The following FAM193A variants were observed in gnomAD, a reference collection of about 807,000 sequenced individuals.
FAM193A encodes protein FAM193A.
A neutral mutation model predicts 126.5 loss-of-function variants in FAM193A; 22 were observed. The ratio of observed to expected loss-of-function variants is 0.17; its 90% CI spans 0.12 to 0.25. FAM193A has a LOEUF of 0.25. Among genes scored for constraint, FAM193A ranks in the 10% least tolerant of loss-of-function variants. FAM193A has a pLI of 1.00. For synonymous variants in FAM193A, 761 were observed against 646.8 expected (o/e 1.18, Z -2.68); for missense variants, 1,675 against 1,672.8 (o/e 1.00, Z -0.02).
chr4:2,543,883 A>AAC (rs1737388208), intron 1 of FAM193A, among the ~76,000 whole-genome samples: 1 of 151,118 alleles, frequency 6.6e-6, no homozygotes, highest in Non-Finnish European at 1.5e-5. Context: ...AAAAAAAAAA[A>AAC]AAAAAAAAAA....
At chr4:2,621,292 G>A (rs577839623) in intron 2 of FAM193A, among the ~76,000 whole-genome samples, 8 of 152,286 alleles carry the variant, frequency 5.3e-5, no homozygotes, top group Admixed American at 3.3e-4. Context: ...TAAGTGTGGC[G>A]AAGAAGGGTG....
chr4:2,547,788 G>A (rs577877389), intron 1 of FAM193A, among the ~76,000 whole-genome samples: 1 of 151,500 alleles, frequency 6.6e-6, no homozygotes, highest in African/African-American at 2.4e-5. Flanking sequence ...ACCACACCTG[G>A]CTAATTTTGT....
chr4:2,654,849 G>C (rs534412770), intron 7 of FAM193A: 1 of 398,806 alleles, frequency 2.5e-6, no homozygotes, highest in South Asian at 7.8e-5. Flanking sequence ...CTTGAGTGGG[G>C]AATGTGTGTT....
chr4:2,592,159 T>C (rs763488037), intron 1 of FAM193A, among the ~76,000 whole-genome samples: 2 of 152,266 alleles, frequency 1.3e-5, no homozygotes, highest in Admixed American at 6.5e-5. Flanking sequence ...TGGCGCGATA[T>C]CCGCTTGCCG....
intron 1 of FAM193A, among the ~76,000 whole-genome samples, chr4:2,585,073 G>T (rs1465779118): frequency 6.6e-6 from 1 of 152,080 alleles, no homozygotes; most frequent in African/African-American, 2.4e-5. Flanking sequence ...TATTTGTTTT[G>T]AACTTAGCTA....
intron 1 of FAM193A, among the ~76,000 whole-genome samples, chr4:2,541,864 T>C (rs1560429062): frequency 6.6e-6 from 1 of 151,830 alleles, no homozygotes; most frequent in African/African-American, 2.4e-5. Flanking sequence ...AGAGTCTTGC[T>C]CTGTCGCCCA....
intron 7 of FAM193A, chr4:2,654,497 CTGTTGTT>C (rs1560526838): frequency 6.9e-6 from 1 of 145,210 alleles, no homozygotes; most frequent in African/African-American, 2.6e-5. Context: ...CATTCTTTCT[CTGTTGTT>C]TGACACATAC....
At chr4:2,627,057 C>A (rs1482587210) in intron 4 of FAM193A, among the ~76,000 whole-genome samples, 2 of 152,004 alleles carry the variant, frequency 1.3e-5, no homozygotes, top group East Asian at 3.9e-4. Flanking sequence ...GTGGCTGTTT[C>A]TCATGATGCC....
At chr4:2,553,061 T>C (rs991464232) in intron 1 of FAM193A, among the ~76,000 whole-genome samples, 3 of 152,026 alleles carry the variant, frequency 2.0e-5, no homozygotes, top group Non-Finnish European at 2.9e-5. Context: ...TTGGTCAGGC[T>C]GTTGTCAAAC....
intron 19 of FAM193A, among the ~76,000 whole-genome samples, chr4:2,704,279 A>T (rs975193278): frequency 6.6e-6 from 1 of 150,412 alleles, no homozygotes; most frequent in African/African-American, 2.4e-5. Context: ...AAAAAAAAAA[A>T]TTAAGGCTGG....
chr4:2,593,812 G>A (rs1047103511), intron 1 of FAM193A, among the ~76,000 whole-genome samples: 6 of 151,818 alleles, frequency 4.0e-5, no homozygotes, highest in Non-Finnish European at 4.4e-5. Context: ...GATGGGAGCT[G>A]TTTTCTAAGA....
chr4:2,676,412 T>C (rs1003579820), intron 13 of FAM193A, among the ~76,000 whole-genome samples: 1 of 152,232 alleles, frequency 6.6e-6, no homozygotes, highest in Non-Finnish European at 1.5e-5. Context: ...ATTTCCTTAG[T>C]GTTTAGTGAT....
chr4:2,662,075 C>T (rs974893523), intron 10 of FAM193A, among the ~76,000 whole-genome samples: 2 of 151,794 alleles, frequency 1.3e-5, no homozygotes, highest in Non-Finnish European at 2.9e-5. Flanking sequence ...CCCAGCTACT[C>T]GGGAGGCTGA....
At chr4:2,667,325 T>C (rs1039918570) in intron 12 of FAM193A, among the ~76,000 whole-genome samples, 1 of 152,194 alleles carries the variant, frequency 6.6e-6, no homozygotes, top group Admixed American at 6.5e-5. Context: ...GCTATCAACA[T>C]ATGAATTTTG....
chr4:2,702,035 G>T (rs1289420503), intron 19 of FAM193A, among the ~76,000 whole-genome samples: 1 of 152,174 alleles, frequency 6.6e-6, no homozygotes, highest in Non-Finnish European at 1.5e-5. Flanking sequence ...GCCTCCCAAA[G>T]TGCTGGGATT....
Position 2,590,472 on chromosome 4 carries a change from A to G in FAM193A, c.256-5612A>G, listed in dbSNP as rs1378210698. 7.0e-5 allele frequency among the ~76,000 whole-genome samples: 6 copies of G among 85,506 alleles called. No individual in the cohort carries two copies. The South Asian group carries it at 1.7e-3, about 24-fold the overall frequency. The allele number at this position is 85,506 out of a possible 152,430, so 56.1% of individuals were successfully genotyped here. A position where few individuals can be genotyped will look rare whatever the true frequency, so the allele number is the denominator to read the frequency against. The stretch of plus-strand genomic sequence containing the variant: ...GAGCGAGACTCCATCTCAAAAAAAA[A>G]AAACAAAAAAAAACAAAAAAAAACA... On this transcript the variant is annotated intron_variant, in intron 1 of 20. Coordinates refer to ENST00000637812, the MANE Select transcript of FAM193A (RefSeq NM_001366318.2).
In FAM193A at chr4:2,627,138, C is replaced by T. The variant is rs1039694137; in HGVS notation, c.803+561C>T. ...ATTTGAGGTGGCCATAATTTTTATTCTTCCTTATAGTTTGATGTAACTTTT... is the reference window on the plus strand; with the variant it reads ...ATTTGAGGTGGCCATAATTTTTATTTTTCCTTATAGTTTGATGTAACTTTT... On this transcript the variant is annotated intron_variant, in intron 4 of 20. Transcript: ENST00000637812. 2.0e-5 allele frequency among the ~76,000 whole-genome samples: 3 copies of T among 148,016 alleles called. No homozygotes were observed. In the East Asian group the frequency reaches 5.9e-4, roughly 29 times the overall value.
chr4:2,654,871 T>C, intron 7 of FAM193A: 2 of 443,880 alleles, frequency 4.5e-6, no homozygotes, highest in Non-Finnish European at 8.1e-6. Context: ...AAAGCATTCA[T>C]GCTGGAAACT....
At chr4:2,585,484 T>C (rs1740182422) in intron 1 of FAM193A, among the ~76,000 whole-genome samples, 2 of 152,264 alleles carry the variant, frequency 1.3e-5, no homozygotes, top group African/African-American at 2.4e-5. Context: ...TTTATGTCTA[T>C]GGACCATTTG....
Sources: allele counts gnomAD v4.1 joint callset (sites outside exome capture counted in the v4.1 genomes callset), GRCh38; gene constraint gnomAD v4.1.1; transcripts MANE v1.5; gene names NCBI Gene and HGNC (gene_info 2026-07-23, HGNC 2026-07-21).